The following USP50 variants were observed in gnomAD, a reference collection of about 807,000 sequenced individuals.
USP50 encodes ubiquitin carboxyl-terminal hydrolase 50.
Under a neutral mutation model 39.2 loss-of-function variants are expected in USP50, and 37 were observed. That is an observed-to-expected ratio of 0.94 (90% CI 0.73 to 1.24). The LOEUF (loss-of-function observed/expected upper bound fraction) is 1.24. Ranked by LOEUF, USP50 falls within the 50% of genes most tolerant of loss-of-function variation. USP50 has a pLI of 0.00. For synonymous variants in USP50, 139 were observed against 144.5 expected, an observed-to-expected ratio of 0.96 and a Z score of 0.27; for missense variants, 374 against 398.2, an observed-to-expected ratio of 0.94 and a Z score of 0.52.
intron 6 of USP50, among the ~76,000 whole-genome samples, chr15:50,528,836 T>C (rs2052918378): frequency 6.6e-6 from 1 of 152,198 alleles, no homozygotes; most frequent in South Asian, 2.1e-4. Flanking sequence ...AGAGGCAAAT[T>C]AGACTTCGGT....
chr15:50,495,987 C>T (rs1020798789), downstream of USP50: 1 of 1,613,818 alleles, frequency 6.2e-7, no homozygotes, highest in Non-Finnish European at 8.5e-7. Flanking sequence ...TTCAAATCTA[C>T]AGTACAGTGC....
intron 6 of USP50, chr15:50,512,318 ACT>A (rs1387050625): frequency 1.3e-5 from 2 of 150,282 alleles, no homozygotes; most frequent in African/African-American, 5.0e-5. Flanking sequence ...ACAGAGCAAG[ACT>A]CTGTTAAAAA....
intron 6 of USP50, chr15:50,507,616 C>G (rs1488660146): frequency 6.6e-6 from 1 of 152,036 alleles, no homozygotes; most frequent in African/African-American, 2.4e-5. Flanking sequence ...AAACAAATGA[C>G]AGAACTATAG....
chr15:50,534,904 G>C (rs1031408676), intron 5 of USP50, among the ~76,000 whole-genome samples: 1 of 152,132 alleles, frequency 6.6e-6, no homozygotes, highest in Admixed American at 6.5e-5. Flanking sequence ...ATTTTGGGAG[G>C]CCGAGGTGGG....
At chr15:50,508,523 G>C (rs1245159113) in intron 6 of USP50, 1 of 152,100 alleles carries the variant, frequency 6.6e-6, no homozygotes, top group African/African-American at 2.4e-5. Context: ...ATATCTTAAA[G>C]GATAGACTGA....
At chr15:50,517,454 A>G (rs1478013809) in intron 6 of USP50, among the ~76,000 whole-genome samples, 1 of 147,786 alleles carries the variant, frequency 6.8e-6, no homozygotes, top group Admixed American at 7.0e-5. Flanking sequence ...CCTAGGCAAC[A>G]AGAGCAAAAC....
downstream of USP50, chr15:50,498,555 A>G (rs746327016): frequency 1.3e-6 from 2 of 1,554,186 alleles, no homozygotes; most frequent in Non-Finnish European, 1.7e-6. Flanking sequence ...TCATCCTGGT[A>G]TCTTCCTCTG....
In USP50 at chr15:50,525,532, GTATATGTA is replaced by G. The variant is rs1267045800; in HGVS notation, c.936+4257_936+4264del. ...TGTATATATATGTATATATGTATAT[GTATATGTA>G]TATATGTATATATGTGTATATATGT... On this transcript the variant is annotated intron_variant, in intron 6 of 6. Transcript: ENST00000532404. 9.6e-4 allele frequency among the ~76,000 whole-genome samples: 85 copies of G among 88,932 alleles called. 1 individual carries two copies. The highest frequency in any genetic ancestry group is 2.6e-3 in the African/African-American group (51 of 19,504). The allele number at this position is 88,932 out of a possible 152,430, so 58.3% of individuals were successfully genotyped here. A position where few individuals can be genotyped will look rare whatever the true frequency, so the allele number is the denominator to read the frequency against.
intron 3 of USP50, among the ~76,000 whole-genome samples, chr15:50,542,433 T>TA (rs1246924745): frequency 6.6e-6 from 1 of 151,518 alleles, no homozygotes; most frequent in Non-Finnish European, 1.5e-5. Flanking sequence ...CCTCTTTTCT[T>TA]AAAAAAGTGC....
chr15:50,524,526 A>AT (rs2052873386), intron 6 of USP50, among the ~76,000 whole-genome samples: 1 of 152,244 alleles, frequency 6.6e-6, no homozygotes, highest in African/African-American at 2.4e-5. Context: ...GTTCAACATC[A>AT]TTAAGCATTA....
chr15:50,532,492 T>A (rs188372260), intron 5 of USP50, among the ~76,000 whole-genome samples: 42 of 152,214 alleles, frequency 2.8e-4, no homozygotes, highest in African/African-American at 9.6e-4. Flanking sequence ...GACCCACTCA[T>A]AGGATTATGG....
chr15:50,530,465 T>TC (rs1270976571), intron 5 of USP50, among the ~76,000 whole-genome samples: 2 of 150,804 alleles, frequency 1.3e-5, no homozygotes, highest in East Asian at 3.9e-4. Flanking sequence ...ATGCCTGTAA[T>TC]CCCAGCTACT....
intron 1 of USP50, chr15:50,494,418 A>G: frequency 1.5e-6 from 1 of 681,204 alleles, no homozygotes; most frequent in Non-Finnish European, 2.3e-6. Context: ...TAAGAGAATT[A>G]TAAAACATCA....
intron 6 of USP50, among the ~76,000 whole-genome samples, chr15:50,527,271 C>T (rs560695335): frequency 5.8e-4 from 89 of 152,290 alleles, no homozygotes; most frequent in Non-Finnish European, 1.1e-3. Context: ...GTGGCACGAT[C>T]TCAGCTCACT....
intron 6 of USP50, chr15:50,506,995 G>C (rs946169491): frequency 1.6e-5 from 2 of 124,756 alleles, no homozygotes; most frequent in Non-Finnish European, 3.2e-5. Context: ...AAAAAATCCA[G>C]TTTTAGGCCA....
intron 3 of USP50, among the ~76,000 whole-genome samples, chr15:50,542,481 A>ATTTTTTTTTT (rs11292495): frequency 2.1e-5 from 2 of 97,394 alleles, no homozygotes; most frequent in Admixed American, 1.4e-4. Flanking sequence ...TTTCCTTTTC[A>ATTTTTTTTTT]TTTTTTTTTT....
chr15:50,514,994 T>TAAAA (rs386382963), intron 6 of USP50, among the ~76,000 whole-genome samples: 13 of 74,620 alleles, frequency 1.7e-4, no homozygotes, highest in African/African-American at 6.7e-4. Flanking sequence ...AGACACAGTC[T>TAAAA]AAAAAAAAAA....
intron 6 of USP50, among the ~76,000 whole-genome samples, chr15:50,520,443 A>G (rs1462447760): frequency 4.6e-5 from 7 of 151,826 alleles, no homozygotes; most frequent in African/African-American, 1.7e-4. Flanking sequence ...CTGGGACTAC[A>G]GGCACATGCC....
downstream of USP50, chr15:50,493,236 G>T: frequency 3.9e-6 from 2 of 507,526 alleles, no homozygotes; most frequent in Admixed American, 4.5e-5. Flanking sequence ...CCTCTTTAAA[G>T]GCCCCATCTC....
Sources: gnomAD v4.1 joint callset for allele counts (sites outside exome capture counted in the v4.1 genomes callset) on GRCh38, gnomAD v4.1.1 for gene constraint, MANE v1.5 for transcripts, NCBI Gene and HGNC (gene_info 2026-07-23, HGNC 2026-07-21) for gene names.